The following TESK2 variants were observed in gnomAD, a reference collection of about 807,000 sequenced individuals.
TESK2 encodes testis associated actin remodelling kinase 2, also known as dual specificity testis-specific protein kinase 2.
In TESK2, 39 loss-of-function variants were observed where a neutral mutation model predicts 57.1. That is an observed-to-expected ratio of 0.68 (90% confidence interval 0.53 to 0.89). The LOEUF (loss-of-function observed/expected upper bound fraction) is 0.89. Ranked by LOEUF, TESK2 falls within the 40% of genes least tolerant of loss-of-function variation. The probability of loss-of-function intolerance (pLI) is 0.00; values close to 1 mark genes in which losing one functional copy is unlikely to be tolerated. For missense variants in TESK2, 646 were observed against 732.1 expected (o/e 0.88, Z 1.36); for synonymous variants, 249 against 267.9 (o/e 0.93, Z 0.69).
chr1:45,442,731 C>T (rs1167835312), intron 2 of TESK2, among the ~76,000 whole-genome samples: 3 of 152,232 alleles, frequency 2.0e-5, no homozygotes, highest in African/African-American at 7.2e-5. Context: ...GCCACTTCCA[C>T]TTCCACATAC....
intron 2 of TESK2, among the ~76,000 whole-genome samples, chr1:45,433,023 C>T (rs1651042930): frequency 6.7e-6 from 1 of 149,144 alleles, no homozygotes; most frequent in Non-Finnish European, 1.5e-5. Context: ...CTTGGCCTCC[C>T]AAAGTGCTAG....
chr1:45,482,455 G>A (rs565051848), intron 1 of TESK2, among the ~76,000 whole-genome samples: 1 of 152,168 alleles, frequency 6.6e-6, no homozygotes, highest in South Asian at 2.1e-4. Context: ...TTGAGCCTGG[G>A]AGGTCGAGGC....
chr1:45,367,403 C>CT lies in TESK2; in HGVS notation c.394-11955dup, dbSNP rs751005757. On this transcript the variant is annotated intron_variant, in intron 4 of 10. Transcript: ENST00000372086. Reference sequence around the variant, plus strand: ...GGGCATCATTTGGTTCCTCGTTCTCCTTTTTTTTTTTTTTTGAGATGGAGT... The same window carrying CT: ...GGGCATCATTTGGTTCCTCGTTCTCCTTTTTTTTTTTTTTTTGAGATGGAGT... Among the ~76,000 whole-genome samples, 925 of 141,652 alleles carry CT rather than the reference C, an allele frequency of 6.5e-3. 5 individuals are homozygous for CT. The highest frequency in any genetic ancestry group is 7.5e-3 in the Non-Finnish European group (480 of 64,236). The allele number at this position is 141,652 out of a possible 152,430, so 92.9% of individuals were successfully genotyped here.
intron 1 of TESK2, among the ~76,000 whole-genome samples, chr1:45,486,780 C>CAT (rs1261539828): frequency 2.5e-5 from 3 of 118,726 alleles, no homozygotes; most frequent in Non-Finnish European, 5.1e-5. Flanking sequence ...AGCCTCCCAG[C>CAT]ATACACACAC....
At chr1:45,410,768 T>A (rs1204820281) in intron 3 of TESK2, among the ~76,000 whole-genome samples, 2 of 151,582 alleles carry the variant, frequency 1.3e-5, no homozygotes, top group Admixed American at 6.6e-5. Context: ...TTATTTTATT[T>A]TTTATTTTTT....
chr1:45,438,134 CA>C (rs773097033), intron 2 of TESK2, among the ~76,000 whole-genome samples: 2 of 152,184 alleles, frequency 1.3e-5, no homozygotes, highest in Non-Finnish European at 2.9e-5. Context: ...GCCATCTTAA[CA>C]AAAGTTACTT....
chr1:45,478,382 T>C lies in TESK2; in HGVS notation c.-87+12470A>G, dbSNP rs1426344349. ...AATTGTTGCTTATCATCTCTTTCAC[T>C]GGACTATGAGCTTCCAGACTATGAG... On this transcript the variant is annotated intron_variant, in intron 1 of 10. Coordinates refer to ENST00000372086, the MANE Select transcript of TESK2 (RefSeq NM_007170.3). Among the ~76,000 whole-genome samples the C allele has an allele frequency of 9.2e-5, 14 of 152,194 alleles. 1 individual carries two copies. The highest frequency in any genetic ancestry group is 9.2e-4 in the Admixed American group (14 of 15,270).
At chr1:45,392,137 G>C (rs1254525672) in intron 3 of TESK2, among the ~76,000 whole-genome samples, 1 of 152,222 alleles carries the variant, frequency 6.6e-6, no homozygotes, top group Non-Finnish European at 1.5e-5. Context: ...CCAGGCTGAA[G>C]TGCAGTGGTG....
intron 3 of TESK2, among the ~76,000 whole-genome samples, chr1:45,413,602 ATT>A (rs1479850064): frequency 6.6e-6 from 1 of 151,352 alleles, no homozygotes. Context: ...TCTTTCCTTC[ATT>A]TCTCTCTCTC....
chr1:45,400,349 CTGATACCT>C (rs1649547663), intron 3 of TESK2, among the ~76,000 whole-genome samples: 1 of 152,294 alleles, frequency 6.6e-6, no homozygotes, highest in African/African-American at 2.4e-5. Context: ...TGCAGCCCTG[CTGATACCT>C]TGATTTTAGC....
At chr1:45,416,442 T>G (rs1326290382) in intron 3 of TESK2, among the ~76,000 whole-genome samples, 1 of 152,058 alleles carries the variant, frequency 6.6e-6, no homozygotes, top group African/African-American at 2.4e-5. Flanking sequence ...ACCTAAAGCC[T>G]TCATTTTTAA....
chr1:45,411,066 G>C (rs991111670), intron 3 of TESK2, among the ~76,000 whole-genome samples: 5 of 152,186 alleles, frequency 3.3e-5, no homozygotes, highest in African/African-American at 1.2e-4. Context: ...AGAGAATTCT[G>C]CTAAAATGTA....
intron 3 of TESK2, among the ~76,000 whole-genome samples, chr1:45,387,080 G>A (rs1473495173): frequency 6.6e-6 from 1 of 152,086 alleles, no homozygotes; most frequent in Admixed American, 6.6e-5. Flanking sequence ...TAAGATGCCA[G>A]GCTGATAAAT....
chr1:45,387,256 T>C (rs545354337), intron 3 of TESK2, among the ~76,000 whole-genome samples: 13 of 152,298 alleles, frequency 8.5e-5, no homozygotes, highest in Non-Finnish European at 1.6e-4. Context: ...CCTAACTAAA[T>C]GCTTACACAC....
chr1:45,360,827 C>CT (rs906299688), intron 4 of TESK2, among the ~76,000 whole-genome samples: 8 of 151,940 alleles, frequency 5.3e-5, no homozygotes, highest in African/African-American at 1.4e-4. Context: ...AGATTTCTTT[C>CT]TTTTTTTTGA....
chr1:45,442,721 GCCACTT>G (rs1651493109), intron 2 of TESK2, among the ~76,000 whole-genome samples: 3 of 152,200 alleles, frequency 2.0e-5, no homozygotes, highest in South Asian at 2.1e-4. Context: ...ACACACATGT[GCCACTT>G]CCACTTCCAC....
At chr1:45,421,634 G>A in intron 3 of TESK2, 91 bp downstream of exon 3, 1 of 1,541,624 alleles carries the variant, frequency 6.5e-7, no homozygotes, top group Non-Finnish European at 8.8e-7. Context: ...GATAAATCCT[G>A]AATCCCTCCT....
intron 2 of TESK2, among the ~76,000 whole-genome samples, chr1:45,454,010 G>T (rs950322519): frequency 1.3e-5 from 2 of 152,074 alleles, no homozygotes; most frequent in African/African-American, 4.8e-5. Context: ...CCATGAAAAA[G>T]AAAAATAAGT....
intron 3 of TESK2, among the ~76,000 whole-genome samples, chr1:45,389,406 C>G (rs527564624): frequency 6.6e-6 from 1 of 152,212 alleles, no homozygotes; most frequent in Non-Finnish European, 1.5e-5. Context: ...GCGTGAGACC[C>G]TGTCTCCAAC....
Sources: allele counts gnomAD v4.1 joint callset (sites outside exome capture counted in the v4.1 genomes callset), GRCh38; gene constraint gnomAD v4.1.1; transcripts MANE v1.5; gene names NCBI Gene and HGNC (gene_info 2026-07-23, HGNC 2026-07-21).